The following MYO15A variants were observed in gnomAD, a reference collection of about 807,000 sequenced individuals.
The protein encoded by MYO15A is myosin XVA, also known as unconventional myosin-XV.
MYO15A carries 308 observed loss-of-function variants against 394.6 expected under a neutral mutation model. That is an observed-to-expected ratio of 0.78 (90% CI 0.71 to 0.86). MYO15A has a LOEUF of 0.86. MYO15A is among the 40% of genes least tolerant of loss of function. The pLI is 0.00. For synonymous variants in MYO15A, 1,957 were observed against 2,003.8 expected (o/e 0.98, Z 0.62); for missense variants, 4,606 against 4,799.1 (o/e 0.96, Z 1.19).
intron 64 of MYO15A, 90 bp from the exon 65 acceptor site, chr17:18,173,691 C>T: frequency 6.4e-7 from 1 of 1,569,904 alleles, no homozygotes; most frequent in East Asian, 2.2e-5. Flanking sequence ...TCTCCTGCCT[C>T]CTACAGATCT....
intron 19 of MYO15A, 61 bp from the exon 20 acceptor site, chr17:18,140,456 C>T (rs1028884265): frequency 6.2e-7 from 1 of 1,609,644 alleles, no homozygotes; most frequent in Admixed American, 1.7e-5. Flanking sequence ...CTCTCTCTTC[C>T]TCCTCATTTC....
rs779220177 is a variant in MYO15A, at chr17:18,151,135, C to T, written c.7499C>T (p.Pro2500Leu). The T allele has an allele frequency of 4.6e-5, 74 of 1,613,848 alleles. No homozygotes were observed. The highest frequency in any genetic ancestry group is 1.6e-4 in the Middle Eastern group (1 of 6,084). The change falls in exon 39 of 66, where the codon CCG becomes CTG. Residue 2500 changes from proline (P) to leucine (L), a missense_variant. Transcript: ENST00000647165. ...AAACCCCCAGCACCAGAGGCACAGC[C>T]GACGTCTGTAGGCACCGGTCCCCCT... ...AEKPPAPEAQ[P>L]TSVGTGPPAK...
intron 3 of MYO15A, 60 bp from the exon 4 acceptor site, chr17:18,125,108 G>A (rs989195029): frequency 1.3e-6 from 2 of 1,519,580 alleles, no homozygotes; most frequent in African/African-American, 1.4e-5. Context: ...AGTTGGGGAG[G>A]GAGACCCATG....
intron 7 of MYO15A, among the ~76,000 whole-genome samples, chr17:18,127,419 ACCACATAGGGAAGGGGAGT>A (rs1056097829): frequency 2.0e-5 from 3 of 151,986 alleles, no homozygotes; most frequent in Non-Finnish European, 4.4e-5. Flanking sequence ...CAGAGTGGAG[ACCACATAGGGAAGGGGAGT>A]CCACATAGGG....
chr17:18,137,535 G>T (rs754502436), intron 15 of MYO15A, 49 bp from the exon 16 acceptor site: 1 of 1,571,398 alleles, frequency 6.4e-7, no homozygotes, highest in Non-Finnish European at 8.7e-7. Context: ...GGGCAAACAG[G>T]CTGGTGGCCA....
chr17:18,137,855 A>T, intron 16 of MYO15A, 176 bp downstream of exon 16: 1 of 864,072 alleles, frequency 1.2e-6, no homozygotes, highest in Non-Finnish European at 1.8e-6. Context: ...CTGGAGGGAA[A>T]GGTGCTGAGG....
intron 7 of MYO15A, among the ~76,000 whole-genome samples, chr17:18,127,546 C>T (rs975187430): frequency 3.3e-5 from 5 of 151,960 alleles, no homozygotes; most frequent in East Asian, 1.9e-4. Flanking sequence ...CAGCCCCCAG[C>T]GGTCAAGAGG....
At chr17:18,146,137 C>T (rs369902012) in intron 30 of MYO15A, 30 bp downstream of exon 30, 31 of 1,604,836 alleles carry the variant, frequency 1.9e-5, no homozygotes, top group Non-Finnish European at 2.1e-5. Flanking sequence ...GGCTGGGACA[C>T]GAGGGACGGT....
intron 61 of MYO15A, among the ~76,000 whole-genome samples, chr17:18,166,851 G>C (rs1266335322): frequency 2.0e-5 from 3 of 152,134 alleles, no homozygotes; most frequent in Admixed American, 2.0e-4. Flanking sequence ...CTCTGAACAT[G>C]GGCCTGTCCT....
At chr17:18,157,648 A>C in intron 50 of MYO15A, 74 bp from the exon 51 acceptor site, 1 of 1,592,656 alleles carries the variant, frequency 6.3e-7, no homozygotes, top group South Asian at 1.1e-5. Context: ...AATGTTCCCA[A>C]ATCTCCCTAA....
chr17:18,128,155 G>A (rs2046087366), intron 7 of MYO15A, among the ~76,000 whole-genome samples: 1 of 152,082 alleles, frequency 6.6e-6, no homozygotes, highest in Non-Finnish European at 1.5e-5. Context: ...GAGAACTGTC[G>A]GAGGGTGACC....
At chr17:18,155,991 C>G (rs2046668160) in intron 47 of MYO15A, 8 of 688,470 alleles carry the variant, frequency 1.2e-5, no homozygotes, top group Middle Eastern at 4.0e-4. Flanking sequence ...GAGTGTCAGC[C>G]CAAAGGGTGG....
Position 18,148,628 on chromosome 17 carries a change from G to A in MYO15A, c.6764+60G>A. The stretch of plus-strand genomic sequence containing the variant: ...ATGTACCTGGAATGTTGTGGGGGGA[G>A]GTCAGATCCCCCAGAGGGTCCCATA... On this transcript the variant is annotated intron_variant, in intron 32 of 65. Coordinates refer to ENST00000647165, the MANE Select transcript of MYO15A (RefSeq NM_016239.4). The surrounding 1 kb of genome is among the most constrained non-coding windows in gnomAD (Gnocchi z 4.8). 6.5e-7 allele frequency: 1 copy of A among 1,544,732 alleles called. No homozygotes were observed. The highest frequency in any genetic ancestry group is 8.8e-7 in the Non-Finnish European group (1 of 1,141,482).
intron 2 of MYO15A, chr17:18,122,690 G>C (rs950695849): frequency 2.0e-5 from 10 of 489,880 alleles, no homozygotes; most frequent in African/African-American, 1.7e-4. Flanking sequence ...CTTGGGCCCT[G>C]GGCAGCCCTG....
chr17:18,148,197 G>C lies in MYO15A; in HGVS notation c.6678G>C (p.Val2226=). 1 of 1,613,718 alleles carries C rather than the reference G, an allele frequency of 6.2e-7. No individual in the cohort carries two copies. The highest frequency in any genetic ancestry group is 8.5e-7 in the Non-Finnish European group (1 of 1,180,042). ...TYEKASMALD[V]GCFNGDQFSC... is the part of the protein sequence containing the mutation. ...AGAAGGCCAGCATGGCGCTGGACGT[G>C]GGCTGCTTCAATGGTAAGCTGCCTT... The change falls in exon 31 of 66, where the codon GTG becomes GTC. Residue 2226 remains valine, a synonymous_variant. Coordinates refer to ENST00000647165, the MANE Select transcript of MYO15A (RefSeq NM_016239.4). The surrounding 1 kb of genome is among the most constrained non-coding windows in gnomAD (Gnocchi z 4.8).
chr17:18,151,027 C>T (rs1333503413), intron 38 of MYO15A, 83 bp from the exon 39 acceptor site: 1 of 1,607,558 alleles, frequency 6.2e-7, no homozygotes, highest in Non-Finnish European at 8.5e-7. Flanking sequence ...AGCTCCACAA[C>T]CCATCTCTGA....
Position 18,119,106 on chromosome 17 carries a change from G to A in MYO15A, c.306G>A (p.Lys102=). The A allele has an allele frequency of 6.2e-7, 1 of 1,612,044 alleles. No homozygotes were observed. Among genetic ancestry groups the A allele is most frequent in the Non-Finnish European group, 8.5e-7 (1 of 1,179,630 alleles). Residue 102 remains lysine, a synonymous_variant, in exon 2 of 66, where the codon AAG becomes AAA. Coordinates refer to ENST00000647165, the MANE Select transcript of MYO15A (RefSeq NM_016239.4). ...MGKKKRAMKG[K]KPSFMVIRFP... is the part of the protein sequence containing the mutation. Reference sequence around the variant, plus strand: ...AGAAGAAGCGGGCGATGAAGGGCAAGAAGCCGTCCTTCATGGTGATCCGCT... The same window carrying A: ...AGAAGAAGCGGGCGATGAAGGGCAAAAAGCCGTCCTTCATGGTGATCCGCT...
Position 18,140,036 on chromosome 17 carries a change from G to A in MYO15A, c.5211+425G>A, listed in dbSNP as rs373219598. On this transcript the variant is annotated intron_variant, in intron 19 of 65. Transcript: ENST00000647165. ...TCTCCCACCCCACCCATAAGGCCCCGGGGAAGAGCTTGGGGGACCAACTTT... is the reference window on the plus strand; with the variant it reads ...TCTCCCACCCCACCCATAAGGCCCCAGGGAAGAGCTTGGGGGACCAACTTT... 2.6e-3 allele frequency among the ~76,000 whole-genome samples: 401 copies of A among 152,284 alleles called. 4 individuals are homozygous for A. Among genetic ancestry groups the A allele is most frequent in the African/African-American group, 9.1e-3 (377 of 41,552 alleles).
intron 56 of MYO15A, among the ~76,000 whole-genome samples, chr17:18,160,334 CAGTG>C (rs1231583055): frequency 6.6e-6 from 1 of 152,202 alleles, no homozygotes; most frequent in Non-Finnish European, 1.5e-5. Flanking sequence ...AGTGAAAAGT[CAGTG>C]AGTATGTGGC....
Sources: allele counts gnomAD v4.1 joint callset (sites outside exome capture counted in the v4.1 genomes callset), GRCh38; gene constraint gnomAD v4.1.1; non-coding constraint Gnocchi (gnomAD v3.1); transcripts MANE v1.5; gene names NCBI Gene and HGNC (gene_info 2026-07-23, HGNC 2026-07-21).